PRKD3: variants seen among roughly 807,000 people sequenced by gnomAD.
PRKD3 encodes serine/threonine-protein kinase D3.
PRKD3 carries 47 observed loss-of-function variants against 99.2 expected under a neutral mutation model. That is an observed-to-expected ratio of 0.47 (90% CI 0.38 to 0.60). The LOEUF (loss-of-function observed/expected upper bound fraction) is 0.60. Ranked by LOEUF, PRKD3 falls within the 20% of genes least tolerant of loss-of-function variation. The pLI, the probability that PRKD3 is intolerant of heterozygous loss-of-function variation, is 0.00. For synonymous variants in PRKD3, 392 were observed against 355.4 expected (o/e 1.10, Z -1.16); for missense variants, 1,019 against 1,088.4 (o/e 0.94, Z 0.90).
chr2:37,313,640 A>G (rs1008183543), intron 2 of PRKD3, among the ~76,000 whole-genome samples: 1 of 152,252 alleles, frequency 6.6e-6, no homozygotes, highest in African/African-American at 2.4e-5. Context: ...AAAGCATGTG[A>G]AAAGATATCA....
intron 14 of PRKD3, among the ~76,000 whole-genome samples, chr2:37,261,529 C>G (rs1164376090): frequency 1.3e-5 from 2 of 151,834 alleles, no homozygotes; most frequent in African/African-American, 2.4e-5. Context: ...GCCTGTAATC[C>G]CAACATTTTG....
At chr2:37,320,507 T>C (rs893655370) in intron 1 of PRKD3, among the ~76,000 whole-genome samples, 1 of 148,226 alleles carries the variant, frequency 6.7e-6, no homozygotes, top group South Asian at 2.2e-4. Context: ...TCTTGACTGA[T>C]TGCAGCCTCC....
chr2:37,270,313 A>C (rs1669144237), intron 12 of PRKD3, among the ~76,000 whole-genome samples: 2 of 147,462 alleles, frequency 1.4e-5, no homozygotes, highest in East Asian at 2.0e-4. Context: ...AATTTTACCT[A>C]TTTTACCTTT....
chr2:37,301,358 GA>G (rs1670919726), intron 2 of PRKD3, among the ~76,000 whole-genome samples: 1 of 149,424 alleles, frequency 6.7e-6, no homozygotes, highest in Admixed American at 6.6e-5. Context: ...GAACAAAGGA[GA>G]AGAGCCTTTT....
At position 37,272,374 on chromosome 2, in the gene PRKD3, A is replaced by C; in HGVS notation, c.1704+6T>G. 1 of 1,605,540 alleles carries C rather than the reference A, an allele frequency of 6.2e-7. No homozygotes were observed. Among genetic ancestry groups the C allele is most frequent in the Non-Finnish European group, 8.5e-7 (1 of 1,177,682 alleles). The stretch of plus-strand genomic sequence containing the variant: ...AGTTTACACATTAGCTATAACGATT[A>C]CTTACCACATTCTCCTGAATCTGAC... On this transcript the variant is annotated splice_donor_region_variant and intron_variant, in intron 12 of 18. Transcript: ENST00000234179.
chr2:37,253,871 T>TA (rs1667720709), intron 18 of PRKD3, among the ~76,000 whole-genome samples: 1 of 152,080 alleles, frequency 6.6e-6, no homozygotes, highest in Non-Finnish European at 1.5e-5. Flanking sequence ...CAAACATTTT[T>TA]AAAAAATCTC....
intron 6 of PRKD3, among the ~76,000 whole-genome samples, chr2:37,285,565 T>C (rs1027720128): frequency 1.4e-4 from 21 of 152,216 alleles, no homozygotes; most frequent in Non-Finnish European, 2.8e-4. Context: ...TATGCTTATA[T>C]GTGTGTGTAA....
chr2:37,287,469 T>C (rs1020419967), intron 5 of PRKD3, among the ~76,000 whole-genome samples: 5 of 151,950 alleles, frequency 3.3e-5, no homozygotes, highest in Admixed American at 6.6e-5. Context: ...TGGTTGAACA[T>C]ATTAATGTAG....
At chr2:37,278,037 CAT>C (rs1257624509) in intron 8 of PRKD3, 48 bp from the exon 9 acceptor site, 8 of 1,500,644 alleles carry the variant, frequency 5.3e-6, no homozygotes, top group African/African-American at 1.4e-5. Context: ...TTTAAAAAAT[CAT>C]ATAAATACTG....
At chr2:37,310,363 TATC>T (rs1253203028) in intron 2 of PRKD3, among the ~76,000 whole-genome samples, 5 of 152,188 alleles carry the variant, frequency 3.3e-5, no homozygotes, top group South Asian at 4.1e-4. Flanking sequence ...TTTAGAAACA[TATC>T]ATTTAATATA....
At chr2:37,259,273 G>A (rs1207309821) in intron 16 of PRKD3, among the ~76,000 whole-genome samples, 1 of 152,132 alleles carries the variant, frequency 6.6e-6, no homozygotes, top group African/African-American at 2.4e-5. Context: ...TTATTTATGA[G>A]GTATTTATCC....
At chr2:37,306,898 G>A (rs1331799084) in intron 2 of PRKD3, among the ~76,000 whole-genome samples, 1 of 152,182 alleles carries the variant, frequency 6.6e-6, no homozygotes, top group Non-Finnish European at 1.5e-5. Flanking sequence ...TTTAATCTAG[G>A]AGACAGTCAT....
In PRKD3 at chr2:37,252,697, C is replaced by CTTAT. The variant is rs1667590290; in HGVS notation, c.*479_*480insATAA. 6.6e-6 allele frequency: 1 copy of CTTAT among 152,006 alleles called. No homozygotes were observed. Among genetic ancestry groups the CTTAT allele is most frequent in the South Asian group, 2.1e-4 (1 of 4,816 alleles). 9.4% of individuals were successfully genotyped at this position (152,006 alleles called of 1,614,324 possible). A position where few individuals can be genotyped will look rare whatever the true frequency, so the allele number is the denominator to read the frequency against. On this transcript the variant is annotated 3_prime_UTR_variant, in exon 19 of 19. Transcript: ENST00000234179. ...GTTAAAAGTCCTTATAGTAACATCA[C>CTTAT]ATAATGGTAACCTCACAGTTACCTC...
At chr2:37,253,467 C>G (rs1394432352) in intron 18 of PRKD3, 117 bp from the exon 19 acceptor site, 1 of 788,218 alleles carries the variant, frequency 1.3e-6, no homozygotes, top group Non-Finnish European at 1.9e-6. Flanking sequence ...AATTGACAGG[C>G]GCTACTCATA....
Position 37,256,774 on chromosome 2 carries a change from A to G in PRKD3, c.2301T>C (p.Tyr767=). 6.2e-7 allele frequency: 1 copy of G among 1,613,796 alleles called. No individual in the cohort carries two copies. Among genetic ancestry groups the G allele is most frequent in the South Asian group, 1.1e-5 (1 of 91,068 alleles). Residue 767 remains tyrosine, a synonymous_variant, in exon 17 of 19, where the codon TAT becomes TAC. Coordinates refer to ENST00000234179, the MANE Select transcript of PRKD3 (RefSeq NM_005813.6). ...LDMWSVGVII[Y]VSLSGTFPFN... ...AAGGAAATGTGCCACTGAGGCTCAC[A>G]TAGATGATAACTCCCACTGACCACA...
intron 14 of PRKD3, 25 bp from the exon 15 acceptor site, chr2:37,260,409 G>A: frequency 6.3e-7 from 1 of 1,587,162 alleles, no homozygotes; most frequent in Non-Finnish European, 8.7e-7. Flanking sequence ...CAAGATACAT[G>A]AGCAACTTAA....
intron 12 of PRKD3, among the ~76,000 whole-genome samples, chr2:37,270,576 C>G (rs543722323): frequency 6.6e-6 from 1 of 152,156 alleles, no homozygotes; most frequent in South Asian, 2.1e-4. Flanking sequence ...ACTGTCAAAA[C>G]TGCATTACAG....
Position 37,254,202 on chromosome 2 carries a change from AC to A in PRKD3, c.2499+1del, listed in dbSNP as rs1377417297. 1 of 1,600,962 alleles carries A rather than the reference AC, an allele frequency of 6.2e-7. No individual in the cohort carries two copies. The highest frequency in any genetic ancestry group is 1.3e-5 in the African/African-American group (1 of 74,536). Reference sequence around the variant, plus strand: ...CCAAAGAGAGATTACATTTTTTTTTACCTGTAGCCAGGGATGACTAAGAGAT... The same window carrying A: ...CCAAAGAGAGATTACATTTTTTTTTACTGTAGCCAGGGATGACTAAGAGAT... On this transcript the variant is annotated splice_donor_variant, in intron 18 of 18. Coordinates refer to ENST00000234179, the MANE Select transcript of PRKD3 (RefSeq NM_005813.6). LOFTEE classifies it high-confidence loss of function.
At chr2:37,283,685 A>T (rs1453503286) in intron 6 of PRKD3, among the ~76,000 whole-genome samples, 4 of 151,946 alleles carry the variant, frequency 2.6e-5, no homozygotes, top group Non-Finnish European at 5.9e-5. Flanking sequence ...CAAGGTTTCC[A>T]TTTTCCCTTT....
Sources: gnomAD v4.1 joint callset for allele counts (sites outside exome capture counted in the v4.1 genomes callset) on GRCh38, gnomAD v4.1.1 for gene constraint, MANE v1.5 for transcripts, NCBI Gene and HGNC (gene_info 2026-07-23, HGNC 2026-07-21) for gene names.